Variants in TSC2 observed in about 807,000 individuals in gnomAD.
The protein encoded by TSC2 is TSC complex subunit 2.
TSC2 carries 29 observed loss-of-function variants against 202.2 expected under a neutral mutation model. That is an observed-to-expected ratio of 0.14 (90% confidence interval 0.11 to 0.20). TSC2 has a LOEUF of 0.20. Ranked by LOEUF, TSC2 falls within the 10% of genes least tolerant of loss-of-function variation. The pLI, the probability that TSC2 is intolerant of heterozygous loss-of-function variation, is 1.00. For synonymous variants in TSC2, 1,349 were observed against 1,044.0 expected (o/e 1.29, Z -5.63); for missense variants, 2,429 against 2,420.0 (o/e 1.00, Z -0.08).
At chr16:2,063,433 G>A in intron 14 of TSC2, 1 of 369,408 alleles carries the variant, frequency 2.7e-6, no homozygotes, top group Admixed American at 3.9e-5. Context: ...GTGATCGCCA[G>A]CCCTGCCTGG....
In TSC2 at chr16:2,088,741, T is replaced by G. The variant is rs970202456; in HGVS notation, c.*131T>G. ...AGACAGCTCTTTTATTGACTTTGTC[T>G]GCTTGGTGCGGGGGTTGGGGGGGTG... On this transcript the variant is annotated 3_prime_UTR_variant, in exon 42 of 42. Coordinates refer to ENST00000219476, the MANE Select transcript of TSC2 (RefSeq NM_000548.5). 30 of 1,304,532 alleles carry G rather than the reference T, an allele frequency of 2.3e-5. No individual in the cohort carries two copies. The African/African-American group carries it at 4.3e-4, about 19-fold the overall frequency. 80.8% of individuals were successfully genotyped at this position (1,304,532 alleles called of 1,614,324 possible). A position where few individuals can be genotyped will look rare whatever the true frequency, so the allele number is the denominator to read the frequency against.
Position 2,085,231 on chromosome 16 carries a change from C to T in TSC2, c.4571C>T (p.Ser1524Leu), listed in dbSNP as rs1441428144. The T allele has an allele frequency of 6.2e-7, 1 of 1,612,722 alleles. No individual in the cohort carries two copies. Among genetic ancestry groups the T allele is most frequent in the South Asian group, 1.1e-5 (1 of 91,082 alleles). The change falls in exon 36 of 42, where the codon TCA becomes TTA. Residue 1524 changes from serine (S) to leucine (L), a missense_variant and splice_region_variant. Ser to Leu is a moderately radical substitution (Grantham distance 145). Transcript: ENST00000219476. ...SNKPILLPNE[S>L]QSFERSVQLL... Reference sequence around the variant, plus strand: ...CAGGCAGGGCTCTGTGTGCCACAGTCACAGTCCTTTGAGCGGTCGGTGCAG... The same window carrying T: ...CAGGCAGGGCTCTGTGTGCCACAGTTACAGTCCTTTGAGCGGTCGGTGCAG...
At position 2,071,632 on chromosome 16, in the gene TSC2, C is replaced by T. The variant is rs2151299899; in HGVS notation, c.1946+16C>T. The T allele has an allele frequency of 6.2e-7, 1 of 1,613,022 alleles. No individual in the cohort carries two copies. Among genetic ancestry groups the T allele is most frequent in the Non-Finnish European group, 8.5e-7 (1 of 1,179,886 alleles). On this transcript the variant is annotated intron_variant, in intron 18 of 41. Coordinates refer to ENST00000219476, the MANE Select transcript of TSC2 (RefSeq NM_000548.5). ...GCGACTACATGTACGCGGGACCTCG[C>T]CCACGGCCCATGAGGCTCAGGGCGT...
intron 14 of TSC2, chr16:2,064,071 G>T (rs60763712): frequency 2.6e-6 from 2 of 766,924 alleles, no homozygotes; most frequent in Non-Finnish European, 4.4e-6. Flanking sequence ...CCTTCTGAAC[G>T]AGGAGCTGGA....
chr16:2,054,218 C>T, intron 4 of TSC2, 78 bp from the exon 5 acceptor site: 2 of 1,610,556 alleles, frequency 1.2e-6, no homozygotes, highest in Non-Finnish European at 1.7e-6. Flanking sequence ...TCCGGGTGCC[C>T]CTGCACTTCA....
intron 26 of TSC2, 149 bp downstream of exon 26, chr16:2,077,875 A>C: frequency 5.7e-6 from 8 of 1,398,450 alleles, no homozygotes; most frequent in Non-Finnish European, 7.8e-6. Flanking sequence ...GAGGGGTGGA[A>C]AGGTTGCATT....
rs45517286 is a variant in TSC2 at position 2,079,396 on chromosome 16, C to G, written c.3252C>G (p.Asp1084Glu). The G allele has an allele frequency of 3.1e-6, 5 of 1,612,718 alleles. No homozygotes were observed. In the African/African-American group the frequency reaches 6.7e-5, roughly 22 times the overall value. ...GGACCCGGTCGTTACTAGGCCTGGA[C>G]TCGGGGGAGCTGCAGTCCGGCCCGG... The part of the protein sequence containing the change: ...GTGTRSLLGL[D>E]SGELQSGPES... The change falls in exon 28 of 42, where the codon GAC (aspartate) becomes GAG (glutamate). Residue 1084 changes from aspartate (D) to glutamate (E), a missense_variant. Physicochemically the swap from Asp to Glu is conservative, Grantham distance 45. Coordinates refer to ENST00000219476, the MANE Select transcript of TSC2 (RefSeq NM_000548.5). This position sits in a 1 kb window ranked among gnomAD's most constrained non-coding sequence, Gnocchi z 4.6.
Position 2,088,879 on chromosome 16 carries a change from GCGCA to G in TSC2, c.*271_*274del, listed in dbSNP as rs895981838. The G allele has an allele frequency of 6.0e-5, 28 of 469,554 alleles. No homozygotes were observed. Among genetic ancestry groups the G allele is most frequent in the African/African-American group, 4.8e-4 (15 of 31,042 alleles). The allele number at this position is 469,554 out of a possible 1,614,324, so 29.1% of individuals were successfully genotyped here. A position where few individuals can be genotyped will look rare whatever the true frequency, so the allele number is the denominator to read the frequency against. On this transcript the variant is annotated 3_prime_UTR_variant, in exon 42 of 42. Coordinates refer to ENST00000219476, the MANE Select transcript of TSC2 (RefSeq NM_000548.5). The stretch of plus-strand genomic sequence containing the variant: ...ATACAGCACACTCGCGCGTGCGCGC[GCGCA>G]CACACACACACACACAGTCACCTTC...
intron 4 of TSC2, 174 bp downstream of exon 4, chr16:2,053,626 T>TGTGACCG: frequency 1.4e-6 from 1 of 715,186 alleles, no homozygotes; most frequent in Non-Finnish European, 2.5e-6. Context: ...ATGAGGTCTG[T>TGTGACCG]GTGACCGTAG....
chr16:2,050,428 A>T lies in TSC2; in HGVS notation c.167A>T (p.Asn56Ile), dbSNP rs144165984. The T allele has an allele frequency of 6.2e-7, 1 of 1,613,840 alleles. No individual in the cohort carries two copies. Among genetic ancestry groups the T allele is most frequent in the Non-Finnish European group, 8.5e-7 (1 of 1,179,904 alleles). ...CTGAGCATGGAATGTGGCCTCAACA[A>T]TCGCATCCGGATGATAGGGCAGATT... Reference protein sequence around the residue: ...RELSMECGLNNRIRMIGQICE... With the variant: ...RELSMECGLNIRIRMIGQICE... The change falls in exon 3 of 42, where the codon AAT becomes ATT. Residue 56 changes from asparagine (N) to isoleucine (I), a missense_variant. Coordinates refer to ENST00000219476, the MANE Select transcript of TSC2 (RefSeq NM_000548.5).
intron 3 of TSC2, among the ~76,000 whole-genome samples, chr16:2,053,036 C>T (rs2085321820): frequency 6.6e-6 from 1 of 152,218 alleles, no homozygotes; most frequent in African/African-American, 2.4e-5. Context: ...GGGACTCCCT[C>T]CTGGTCCAGG....
rs2151379450 is a variant in TSC2, at chr16:2,075,785, C to CT, written c.2546-13dup. On this transcript the variant is annotated splice_polypyrimidine_tract_variant and intron_variant, in intron 22 of 41. Transcript: ENST00000219476. ...GGACCCCGGCTCCCCTGACCACCCT[C>CT]TCCATTACCGCAGCTCTGGCCAGGC... is the stretch of plus-strand genomic sequence containing the variant. 2 of 1,612,022 alleles carry CT rather than the reference C, an allele frequency of 1.2e-6. No homozygotes were observed. Among genetic ancestry groups the CT allele is most frequent in the Non-Finnish European group, 1.7e-6 (2 of 1,179,920 alleles).
chr16:2,065,474 T>C (rs369678551), intron 15 of TSC2, 45 bp from the exon 16 acceptor site: 1 of 1,117,880 alleles, frequency 8.9e-7, no homozygotes, highest in South Asian at 1.2e-5. Context: ...GGCTGCTGAC[T>C]CAGAACCATG....
intron 22 of TSC2, 48 bp from the exon 23 acceptor site, chr16:2,075,751 C>T (rs1219365507): frequency 7.5e-6 from 12 of 1,591,242 alleles, no homozygotes; most frequent in South Asian, 1.1e-5. Flanking sequence ...CCTTCAGAGG[C>T]GCTGCACGGG....
intron 33 of TSC2, 110 bp from the exon 34 acceptor site, chr16:2,084,118 C>T (rs1308610502): frequency 3.2e-5 from 49 of 1,535,012 alleles, no homozygotes; most frequent in African/African-American, 1.4e-5. Flanking sequence ...TCGGGCTGGT[C>T]TGTGGCCCTG....
intron 26 of TSC2, chr16:2,078,741 G>A: frequency 2.0e-6 from 1 of 491,598 alleles, no homozygotes; most frequent in Non-Finnish European, 3.7e-6. Context: ...TCGCCAGGAG[G>A]CCGTAACCTA....
Position 2,072,074 on chromosome 16 carries a change from G to T in TSC2, c.2097+140G>T, listed in dbSNP as rs894983705. The T allele has an allele frequency of 2.0e-6, 3 of 1,485,424 alleles. No individual in the cohort carries two copies. In the African/African-American group the frequency reaches 4.2e-5, roughly 21 times the overall value. The allele number at this position is 1,485,424 out of a possible 1,614,324, so 92.0% of individuals were successfully genotyped here. On this transcript the variant is annotated intron_variant, in intron 19 of 41. Transcript: ENST00000219476. ...CAGAGCTGAGCCTTCCCCCTTCCCCGAGCAGCTGCAGGGACAGAGGCCTGC... is the reference window on the plus strand; with the variant it reads ...CAGAGCTGAGCCTTCCCCCTTCCCCTAGCAGCTGCAGGGACAGAGGCCTGC...
At chr16:2,083,531 C>A (rs983723954) in intron 32 of TSC2, 164 bp from the exon 33 acceptor site, 1 of 1,244,542 alleles carries the variant, frequency 8.0e-7, no homozygotes, top group Non-Finnish European at 1.1e-6. Flanking sequence ...GCCTTCCCAG[C>A]GTCCTCCCTG....
chr16:2,065,774 C>A, intron 16 of TSC2, 139 bp downstream of exon 16: 1 of 766,942 alleles, frequency 1.3e-6, no homozygotes, highest in Non-Finnish European at 2.3e-6. Flanking sequence ...GTGGTCTCAG[C>A]AGGCAGCAGA....
Sources: allele counts gnomAD v4.1 joint callset (sites outside exome capture counted in the v4.1 genomes callset), GRCh38; gene constraint gnomAD v4.1.1; non-coding constraint Gnocchi (gnomAD v3.1); transcripts MANE v1.5; gene names NCBI Gene and HGNC (gene_info 2026-07-23, HGNC 2026-07-21).